Variants in CADM2 observed in about 807,000 individuals in gnomAD.
CADM2 encodes immunoglobulin superfamily member 4D.
Under a neutral mutation model 49.8 loss-of-function variants are expected in CADM2, and 12 were observed. The ratio of observed to expected loss-of-function variants is 0.24; its 90% CI spans 0.15 to 0.39. The LOEUF is 0.39. CADM2 is among the 10% of genes least tolerant of loss of function. The pLI is 1.00. For missense variants in CADM2, 378 were observed against 492.3 expected, an observed-to-expected ratio of 0.77 and a Z score of 2.20; for synonymous variants, 214 against 175.4, an observed-to-expected ratio of 1.22 and a Z score of -1.74.
intron 1 of CADM2, among the ~76,000 whole-genome samples, chr3:85,295,121 G>A (rs1387273758): frequency 2.6e-5 from 4 of 152,164 alleles, no homozygotes; most frequent in Non-Finnish European, 4.4e-5. Context: ...CCATCAAAAA[G>A]TGGGCAAAGG....
chr3:85,678,145 A>T (rs1170090670), intron 1 of CADM2, among the ~76,000 whole-genome samples: 1 of 152,204 alleles, frequency 6.6e-6, no homozygotes, highest in East Asian at 1.9e-4. Flanking sequence ...ATCCATGTGG[A>T]CTAATGATGT....
intron 1 of CADM2, among the ~76,000 whole-genome samples, chr3:85,605,641 C>T (rs572408741): frequency 9.9e-5 from 15 of 152,006 alleles, no homozygotes; most frequent in African/African-American, 1.9e-4. Flanking sequence ...GGCTTGTATC[C>T]GCCTCATGAG....
At chr3:85,284,585 G>T (rs1576279254) in intron 1 of CADM2, among the ~76,000 whole-genome samples, 1 of 152,202 alleles carries the variant, frequency 6.6e-6, no homozygotes, top group East Asian at 1.9e-4. Context: ...AAGTTACATA[G>T]ATTGCTAAGG....
chr3:85,657,713 G>GAT (rs142144662), intron 1 of CADM2, among the ~76,000 whole-genome samples: 168 of 45,406 alleles, frequency 3.7e-3, no homozygotes, highest in South Asian at 6.8e-3. Flanking sequence ...TATATACACA[G>GAT]ATATATATAT....
intron 8 of CADM2, among the ~76,000 whole-genome samples, chr3:86,007,045 A>T (rs1292022325): frequency 6.6e-6 from 1 of 152,046 alleles, no homozygotes; most frequent in East Asian, 1.9e-4. Context: ...ATCTCAAAAA[A>T]TAAAAAATAA....
intron 1 of CADM2, among the ~76,000 whole-genome samples, chr3:85,107,334 G>A (rs1232993429): frequency 1.3e-5 from 2 of 152,116 alleles, no homozygotes; most frequent in African/African-American, 4.8e-5. Context: ...CCAGAAGCAC[G>A]TAATTGGCAC....
chr3:85,427,160 C>CTATATATATATATA (rs35485915), intron 1 of CADM2, among the ~76,000 whole-genome samples: 3 of 113,700 alleles, frequency 2.6e-5, no homozygotes, highest in African/African-American at 4.9e-5. Context: ...TGTATTGGAA[C>CTATATATATATATA]TATATATATA....
intron 1 of CADM2, among the ~76,000 whole-genome samples, chr3:85,448,661 G>T (rs933212557): frequency 3.3e-5 from 5 of 151,984 alleles, no homozygotes; most frequent in African/African-American, 1.2e-4. Flanking sequence ...GTTTAAACAG[G>T]TCTGACTTTG....
intron 1 of CADM2, among the ~76,000 whole-genome samples, chr3:85,414,778 C>T (rs1321584312): frequency 6.6e-6 from 1 of 152,126 alleles, no homozygotes; most frequent in Admixed American, 6.6e-5. Context: ...CATTGACTGA[C>T]ATATCTTGGA....
At chr3:85,623,397 T>G (rs542743923) in intron 1 of CADM2, among the ~76,000 whole-genome samples, 1 of 152,324 alleles carries the variant, frequency 6.6e-6, no homozygotes, top group African/African-American at 2.4e-5. Flanking sequence ...GATTCTTGAT[T>G]CGTTTTATTT....
intron 1 of CADM2, among the ~76,000 whole-genome samples, chr3:85,116,200 G>T (rs1214207802): frequency 2.6e-5 from 4 of 152,160 alleles, no homozygotes; most frequent in African/African-American, 4.8e-5. Flanking sequence ...GATGGCACAT[G>T]CCTGTAATCC....
chr3:85,747,694 G>A (rs1035754826), intron 2 of CADM2, among the ~76,000 whole-genome samples: 1 of 152,068 alleles, frequency 6.6e-6, no homozygotes, highest in African/African-American at 2.4e-5. Flanking sequence ...TATGCAGGCT[G>A]TTTCAGTGTT....
intron 1 of CADM2, among the ~76,000 whole-genome samples, chr3:85,269,534 A>C (rs1230304317): frequency 6.6e-6 from 1 of 151,372 alleles, no homozygotes; most frequent in Non-Finnish European, 1.5e-5. Flanking sequence ...ATGACTCACA[A>C]ACTCTAAGTT....
chr3:85,298,861 C>A (rs1018762096), intron 1 of CADM2, among the ~76,000 whole-genome samples: 2 of 151,754 alleles, frequency 1.3e-5, no homozygotes, highest in Non-Finnish European at 2.9e-5. Flanking sequence ...CTAAAAATAC[C>A]AGTGAAAGGA....
At chr3:85,361,762 C>A (rs1178828978) in intron 1 of CADM2, among the ~76,000 whole-genome samples, 2 of 152,042 alleles carry the variant, frequency 1.3e-5, no homozygotes, top group South Asian at 2.1e-4. Flanking sequence ...CTTAAAAATC[C>A]CACATTAGCA....
At chr3:85,563,887 A>G (rs2062175418) in intron 1 of CADM2, among the ~76,000 whole-genome samples, 1 of 152,172 alleles carries the variant, frequency 6.6e-6, no homozygotes, top group African/African-American at 2.4e-5. Context: ...TCCTGTGCCA[A>G]CATAATCCTA....
intron 1 of CADM2, among the ~76,000 whole-genome samples, chr3:85,493,074 GTT>G (rs1295034064): frequency 3.9e-5 from 6 of 152,098 alleles, no homozygotes; most frequent in Admixed American, 2.0e-4. Context: ...AGAATCAACA[GTT>G]TATTGTTTCT....
intron 1 of CADM2, among the ~76,000 whole-genome samples, chr3:85,300,266 G>T (rs2044063231): frequency 6.6e-6 from 1 of 152,040 alleles, no homozygotes; most frequent in Non-Finnish European, 1.5e-5. Flanking sequence ...TCACAGATGT[G>T]CAAGGATATG....
At chr3:85,017,213 T>A (rs560710417) in intron 1 of CADM2, among the ~76,000 whole-genome samples, 12 of 152,272 alleles carry the variant, frequency 7.9e-5, no homozygotes, top group African/African-American at 2.6e-4. Context: ...TAAAGATGAA[T>A]GACTATTAAG....
Sources: allele counts gnomAD v4.1 joint callset (sites outside exome capture counted in the v4.1 genomes callset), GRCh38; gene constraint gnomAD v4.1.1; transcripts MANE v1.5; gene names NCBI Gene and HGNC (gene_info 2026-07-23, HGNC 2026-07-21).